EIF5B: variants seen among roughly 807,000 people sequenced by gnomAD.
The protein encoded by EIF5B is eukaryotic translation initiation factor 5B, also known as eIF-5B.
In EIF5B, 47 loss-of-function variants were observed where a neutral mutation model predicts 147.5. That is an observed-to-expected ratio of 0.32 (90% confidence interval 0.25 to 0.41). The LOEUF is 0.41. Ranked by LOEUF, EIF5B falls within the 10% of genes least tolerant of loss-of-function variation. The probability of loss-of-function intolerance (pLI) is 1.00; values close to 1 mark genes in which losing one functional copy is unlikely to be tolerated. For missense variants in EIF5B, 1,064 were observed against 1,413.2 expected (o/e 0.75, Z 3.96); for synonymous variants, 455 against 456.2 (o/e 1.00, Z 0.03).
At chr2:99,372,253 A>G (rs757712683) in intron 9 of EIF5B, among the ~76,000 whole-genome samples, 5 of 151,968 alleles carry the variant, frequency 3.3e-5, no homozygotes, top group Non-Finnish European at 1.5e-5. Context: ...TTCTTTAAGC[A>G]TGGCTTTAGT....
chr2:99,382,646 A>G lies in EIF5B; in HGVS notation c.2130-134A>G, dbSNP rs1040274074. The G allele has an allele frequency of 1.0e-5, 9 of 862,638 alleles. No individual in the cohort carries two copies. The South Asian group carries it at 2.3e-4, about 22-fold the overall frequency. The allele number at this position is 862,638 out of a possible 1,614,324, so 53.4% of individuals were successfully genotyped here. ...TTGGTAGATGAGCCTTTGGCAAGTT[A>G]AGGGCTAATAGTACTTGAACAATTT... On this transcript the variant is annotated intron_variant, in intron 13 of 23. Coordinates refer to ENST00000289371, the MANE Select transcript of EIF5B (RefSeq NM_015904.4).
intron 1 of EIF5B, among the ~76,000 whole-genome samples, chr2:99,346,748 T>C (rs1386332192): frequency 6.6e-6 from 1 of 151,790 alleles, no homozygotes; most frequent in Non-Finnish European, 1.5e-5. Flanking sequence ...TTTTTTGTAT[T>C]TTTAGTAGAG....
chr2:99,390,776 C>T, intron 17 of EIF5B, 71 bp downstream of exon 17: 1 of 1,479,810 alleles, frequency 6.8e-7, no homozygotes, highest in African/African-American at 1.4e-5. Flanking sequence ...GAGATGGTTT[C>T]CTCACTTTGA....
chr2:99,338,757 T>C (rs780469742), intron 1 of EIF5B, among the ~76,000 whole-genome samples: 3 of 151,954 alleles, frequency 2.0e-5, no homozygotes, highest in Non-Finnish European at 4.4e-5. Flanking sequence ...TCTGTACTTT[T>C]GACAGGAATT....
intron 1 of EIF5B, among the ~76,000 whole-genome samples, chr2:99,345,935 C>A (rs1439714455): frequency 5.4e-5 from 5 of 92,562 alleles, no homozygotes; most frequent in African/African-American, 1.7e-4. Flanking sequence ...CAGAGCTAGA[C>A]CCTGTCTCAA....
Position 99,400,191 on chromosome 2 carries a change from CAGT to C in EIF5B, c.*780_*782del, listed in dbSNP as rs940112386. On this transcript the variant is annotated 3_prime_UTR_variant, in exon 24 of 24. Transcript: ENST00000289371. ...TACCTTGTATGCCAGCACCTGGTAA[CAGT>C]AGAGATTTTTATACATTAATCTTGA... The C allele has an allele frequency of 2.6e-5, 4 of 152,032 alleles. No homozygotes were observed. Among genetic ancestry groups the C allele is most frequent in the African/African-American group, 7.2e-5 (3 of 41,392 alleles). 9.4% of individuals were successfully genotyped at this position (152,032 alleles called of 1,614,324 possible).
At chr2:99,358,312 C>T (rs922387036) in intron 1 of EIF5B, among the ~76,000 whole-genome samples, 4 of 152,140 alleles carry the variant, frequency 2.6e-5, no homozygotes, top group African/African-American at 9.7e-5. Flanking sequence ...AGTGATCTGC[C>T]TGCCTCAGCC....
intron 1 of EIF5B, among the ~76,000 whole-genome samples, chr2:99,359,776 G>A (rs956681558): frequency 6.6e-6 from 1 of 152,112 alleles, no homozygotes; most frequent in Admixed American, 6.6e-5. Flanking sequence ...GAGATAATAG[G>A]CTAGGTGACT....
intron 9 of EIF5B, 126 bp downstream of exon 9, chr2:99,371,856 C>T (rs1674458016): frequency 1.3e-6 from 1 of 788,746 alleles, no homozygotes; most frequent in South Asian, 3.7e-5. Flanking sequence ...GGATAAGTCT[C>T]TTGTTCTCTC....
Position 99,361,603 on chromosome 2 carries a change from AAAG to A in EIF5B, c.706_708del (p.Lys236del), listed in dbSNP as rs760515255. The stretch of plus-strand genomic sequence containing the variant: ...AGACAGTGGCCCAAAAGAAGGCAGA[AAAG>A]AAGGAGCGCGAGAGAAAAAAGCGAG... On this transcript the variant is annotated inframe_deletion, in exon 4 of 24. Coordinates refer to ENST00000289371, the MANE Select transcript of EIF5B (RefSeq NM_015904.4). The A allele has an allele frequency of 1.2e-6, 2 of 1,600,478 alleles. No individual in the cohort carries two copies. The highest frequency in any genetic ancestry group is 1.4e-5 in the African/African-American group (1 of 73,668).
chr2:99,358,085 T>A (rs983921109), intron 1 of EIF5B, among the ~76,000 whole-genome samples: 9 of 151,256 alleles, frequency 6.0e-5, no homozygotes, highest in African/African-American at 1.7e-4. Flanking sequence ...TAAAATGCTT[T>A]TATATATATA....
intron 12 of EIF5B, among the ~76,000 whole-genome samples, chr2:99,381,110 A>G (rs1674678144): frequency 6.6e-6 from 1 of 152,138 alleles, no homozygotes; most frequent in Non-Finnish European, 1.5e-5. Flanking sequence ...GTGAATTTTT[A>G]TTTTAGAACA....
intron 6 of EIF5B, among the ~76,000 whole-genome samples, chr2:99,365,272 C>G (rs1674302990): frequency 6.6e-6 from 1 of 152,066 alleles, no homozygotes; most frequent in Non-Finnish European, 1.5e-5. Flanking sequence ...AATCTTATAG[C>G]TATTTTTACT....
chr2:99,358,524 C>T (rs1674141204), intron 1 of EIF5B, among the ~76,000 whole-genome samples: 1 of 152,206 alleles, frequency 6.6e-6, no homozygotes, highest in Admixed American at 6.5e-5. Context: ...AGAAGAATGA[C>T]AGTGTTCAGA....
chr2:99,386,721 G>C (rs1674817734), intron 14 of EIF5B, among the ~76,000 whole-genome samples: 1 of 150,994 alleles, frequency 6.6e-6, no homozygotes, highest in Non-Finnish European at 1.5e-5. Flanking sequence ...GGGGCGGGGG[G>C]GCGGTGTGTG....
intron 1 of EIF5B, among the ~76,000 whole-genome samples, chr2:99,353,005 C>CTTTTGTTTTTTTTTTTTT (rs1674009572): frequency 1.6e-5 from 1 of 62,850 alleles, no homozygotes; most frequent in Admixed American, 2.5e-4. Flanking sequence ...TCTTCTTCTT[C>CTTTTGTTTTTTTTTTTTT]TTTTTTTTTT....
chr2:99,349,277 G>C (rs1424105465), intron 1 of EIF5B, among the ~76,000 whole-genome samples: 1 of 152,112 alleles, frequency 6.6e-6, no homozygotes, highest in Non-Finnish European at 1.5e-5. Flanking sequence ...TTGGTAAAAA[G>C]GAGTCTTAGA....
chr2:99,345,092 C>T (rs1347870134), intron 1 of EIF5B, among the ~76,000 whole-genome samples: 1 of 152,146 alleles, frequency 6.6e-6, no homozygotes, highest in Non-Finnish European at 1.5e-5. Context: ...TTTTCAGAGG[C>T]ATTTAAACTA....
intron 8 of EIF5B, among the ~76,000 whole-genome samples, chr2:99,370,697 C>CA (rs1674428731): frequency 6.6e-6 from 1 of 152,158 alleles, no homozygotes; most frequent in East Asian, 1.9e-4. Context: ...TTCAGGGAAG[C>CA]AGGTACCACA....
Sources: allele counts gnomAD v4.1 joint callset (sites outside exome capture counted in the v4.1 genomes callset), GRCh38; gene constraint gnomAD v4.1.1; transcripts MANE v1.5; gene names NCBI Gene and HGNC (gene_info 2026-07-23, HGNC 2026-07-21).